The following CSTF1 variants were observed in gnomAD, a reference collection of about 807,000 sequenced individuals.
The protein encoded by CSTF1 is CF-1 50 kDa subunit.
In CSTF1, 2 loss-of-function variants were observed where a neutral mutation model predicts 40.9. That is an observed-to-expected ratio of 0.05 (90% CI 0.02 to 0.15). The LOEUF (loss-of-function observed/expected upper bound fraction) is 0.15, where lower values mean the gene tolerates loss of function less well. Among genes scored for constraint, CSTF1 ranks in the 10% least tolerant of loss-of-function variants. The probability of loss-of-function intolerance (pLI) is 1.00; values close to 1 mark genes in which losing one functional copy is unlikely to be tolerated. For synonymous variants in CSTF1, 218 were observed against 207.2 expected, an observed-to-expected ratio of 1.05 and a Z score of -0.45; for missense variants, 279 against 558.9, an observed-to-expected ratio of 0.50 and a Z score of 5.05.
chr20:56,398,446 G>A (rs6014716), intron 4 of CSTF1, among the ~76,000 whole-genome samples: 5,623 of 152,186 alleles, frequency 0.037, 405 homozygotes, highest in African/African-American at 0.13. Flanking sequence ...GGCACGCGCC[G>A]ATAGTCCCAG....
intron 1 of CSTF1, among the ~76,000 whole-genome samples, chr20:56,394,163 A>G (rs1189267617): frequency 6.6e-6 from 1 of 152,254 alleles, no homozygotes; most frequent in African/African-American, 2.4e-5. Context: ...ATATACTTGA[A>G]TACATTGAAT....
intron 5 of CSTF1, among the ~76,000 whole-genome samples, chr20:56,402,341 G>A (rs1978495503): frequency 1.3e-5 from 2 of 151,766 alleles, no homozygotes; most frequent in Admixed American, 1.3e-4. Context: ...TTACAAGTGA[G>A]CACATAACAC....
At position 56,403,779 on chromosome 20, in the gene CSTF1, G is replaced by A. The variant is rs6024853; in HGVS notation, c.*52G>A. 34,632 of 1,553,524 alleles carry A rather than the reference G, an allele frequency of 0.022. 497 individuals carry two copies. The highest frequency in any genetic ancestry group is 0.058 in the African/African-American group (4,287 of 74,040). On this transcript the variant is annotated 3_prime_UTR_variant, in exon 6 of 6. Coordinates refer to ENST00000217109, the MANE Select transcript of CSTF1 (RefSeq NM_001324.3). ...CGAGGACTCTACCCTCCTCCCCCAC[G>A]TCCTGTCTCAGCTGCAGTCGTAAGT...
chr20:56,395,918 C>T, intron 2 of CSTF1, 197 bp downstream of exon 2: 1 of 562,024 alleles, frequency 1.8e-6, no homozygotes, highest in Non-Finnish European at 3.1e-6. Flanking sequence ...TTATGAAGAC[C>T]TTAAGCTGGT....
rs745629337 is a variant in CSTF1, at chr20:56,397,176, T to G, written c.170-31T>G. The G allele has an allele frequency of 1.3e-6, 2 of 1,587,706 alleles. No individual in the cohort carries two copies. The highest frequency in any genetic ancestry group is 1.7e-6 in the Non-Finnish European group (2 of 1,166,010). Reference sequence around the variant, plus strand: ...GCCTTTTTAAGAAAAAACACTTGTTTTGTTACGCCCTTAATTTTGATTTCT... The same window carrying G: ...GCCTTTTTAAGAAAAAACACTTGTTGTGTTACGCCCTTAATTTTGATTTCT... On this transcript the variant is annotated intron_variant, in intron 2 of 5. Transcript: ENST00000217109. This position sits in a 1 kb window ranked among gnomAD's most constrained non-coding sequence, Gnocchi z 4.4.
Position 56,397,110 on chromosome 20 carries a change from T to C in CSTF1, c.170-97T>C, listed in dbSNP as rs1237893563. On this transcript the variant is annotated intron_variant, in intron 2 of 5. Coordinates refer to ENST00000217109, the MANE Select transcript of CSTF1 (RefSeq NM_001324.3). The surrounding 1 kb of genome is among the most constrained non-coding windows in gnomAD (Gnocchi z 4.4). ...GCTCCAAGAAATAGGAGGTTGACACTGGTGAGCATCTTTCCAGTTTGGATC... is the reference window on the plus strand; with the variant it reads ...GCTCCAAGAAATAGGAGGTTGACACCGGTGAGCATCTTTCCAGTTTGGATC... 4 of 1,326,530 alleles carry C rather than the reference T, an allele frequency of 3.0e-6. No homozygotes were observed. The African/African-American group carries it at 5.9e-5, about 19-fold the overall frequency. The allele number at this position is 1,326,530 out of a possible 1,614,324, so 82.2% of individuals were successfully genotyped here. A position where few individuals can be genotyped will look rare whatever the true frequency, so the allele number is the denominator to read the frequency against.
At chr20:56,396,566 G>A (rs1987523851) in intron 2 of CSTF1, among the ~76,000 whole-genome samples, 1 of 152,092 alleles carries the variant, frequency 6.6e-6, no homozygotes, top group Non-Finnish European at 1.5e-5. Context: ...AAACAGCCGT[G>A]CACGGGGAAG....
At chr20:56,400,017 T>C (rs953906503) in intron 5 of CSTF1, among the ~76,000 whole-genome samples, 1 of 152,230 alleles carries the variant, frequency 6.6e-6, no homozygotes, top group East Asian at 1.9e-4. Context: ...TTCTGTTCCT[T>C]GTAGCAGCAA....
chr20:56,395,303 G>C (rs79910084), intron 1 of CSTF1, among the ~76,000 whole-genome samples: 1 of 152,188 alleles, frequency 6.6e-6, no homozygotes, highest in Non-Finnish European at 1.5e-5. Context: ...GCCAGGCACT[G>C]TGCTCAGGGC....
intron 4 of CSTF1, among the ~76,000 whole-genome samples, chr20:56,398,215 C>T (rs6024850): frequency 0.019 from 2,851 of 152,228 alleles, 105 homozygotes; most frequent in African/African-American, 0.065. Flanking sequence ...CATTCGGTAC[C>T]CTATTTTGAA....
chr20:56,405,437 A>C lies in CSTF1; in HGVS notation c.*1710A>C, dbSNP rs1978666162. 6.6e-6 allele frequency: 1 copy of C among 151,128 alleles called. No homozygotes were observed. The highest frequency in any genetic ancestry group is 2.1e-4 in the South Asian group (1 of 4,778). 9.4% of individuals were successfully genotyped at this position (151,128 alleles called of 1,614,324 possible). On this transcript the variant is annotated 3_prime_UTR_variant, in exon 6 of 6. Transcript: ENST00000217109. ...TTGGTCAGGCTGGTCTCGAACTCCC[A>C]ACCTCAGGTAATCCGCCCGCCTCAG...
chr20:56,394,327 C>A lies in CSTF1; in HGVS notation c.-32-1194C>A, dbSNP rs562099887. ...TGGGCCAGGCGCAGTGGCTCGCGCCCGTAATCCCAGCACTTTGGGAGGCGG... is the reference window on the plus strand; with the variant it reads ...TGGGCCAGGCGCAGTGGCTCGCGCCAGTAATCCCAGCACTTTGGGAGGCGG... On this transcript the variant is annotated intron_variant, in intron 1 of 5. Coordinates refer to ENST00000217109, the MANE Select transcript of CSTF1 (RefSeq NM_001324.3). Among the ~76,000 whole-genome samples, 224 of 152,152 alleles carry A rather than the reference C, an allele frequency of 1.5e-3. 1 individual carries two copies. The highest frequency in any genetic ancestry group is 0.012 in the South Asian group (57 of 4,812).
In CSTF1 at chr20:56,397,898, A is replaced by G; in HGVS notation, c.645+57A>G. 8 of 1,347,614 alleles carry G rather than the reference A, an allele frequency of 5.9e-6. No homozygotes were observed. The highest frequency in any genetic ancestry group is 8.4e-6 in the Non-Finnish European group (8 of 953,026). The allele number at this position is 1,347,614 out of a possible 1,614,324, so 83.5% of individuals were successfully genotyped here. On this transcript the variant is annotated intron_variant, in intron 4 of 5. Transcript: ENST00000217109. This position sits in a 1 kb window ranked among gnomAD's most constrained non-coding sequence, Gnocchi z 4.4. ...TTTCTTAAATACAATGAGCTATTGT[A>G]CAACTATTCTCTTTTTAAAAGTAGT...
intron 1 of CSTF1, among the ~76,000 whole-genome samples, chr20:56,393,169 T>C (rs1465949454): frequency 1.2e-3 from 142 of 114,414 alleles, no homozygotes; most frequent in African/African-American, 4.8e-3. Context: ...TACACACACA[T>C]ATGTGTGTGT....
At chr20:56,401,376 C>T (rs191074073) in intron 5 of CSTF1, among the ~76,000 whole-genome samples, 218 of 152,204 alleles carry the variant, frequency 1.4e-3, no homozygotes, top group African/African-American at 4.9e-3. Context: ...ATATGGGGAC[C>T]TGGTTTTGTT....
chr20:56,399,889 G>T lies in CSTF1; in HGVS notation c.1036+532G>T, dbSNP rs1978380294. On this transcript the variant is annotated intron_variant, in intron 5 of 5. Transcript: ENST00000217109. This position sits in a 1 kb window ranked among gnomAD's most constrained non-coding sequence, Gnocchi z 4.6. ...ACTGAATTCTCATTTATGTATGTTG[G>T]TCTCATTGGTAACAGTAGTGCCTGT... Among the ~76,000 whole-genome samples, 1 of 152,158 alleles carries T rather than the reference G, an allele frequency of 6.6e-6. No homozygotes were observed. The highest frequency in any genetic ancestry group is 2.1e-4 in the South Asian group (1 of 4,826).
Position 56,403,786 on chromosome 20 carries a change from C to T in CSTF1, c.*59C>T. The stretch of plus-strand genomic sequence containing the variant: ...TCTACCCTCCTCCCCCACGTCCTGT[C>T]TCAGCTGCAGTCGTAAGTCCGTGCA... On this transcript the variant is annotated 3_prime_UTR_variant, in exon 6 of 6. Coordinates refer to ENST00000217109, the MANE Select transcript of CSTF1 (RefSeq NM_001324.3). 6.5e-7 allele frequency: 1 copy of T among 1,539,968 alleles called. No individual in the cohort carries two copies. The highest frequency in any genetic ancestry group is 8.8e-7 in the Non-Finnish European group (1 of 1,130,720).
At chr20:56,400,498 G>A (rs762552099) in intron 5 of CSTF1, among the ~76,000 whole-genome samples, 1 of 152,138 alleles carries the variant, frequency 6.6e-6, no homozygotes, top group Non-Finnish European at 1.5e-5. Flanking sequence ...TAAGGAGTGT[G>A]CTGTATCTGG....
intron 2 of CSTF1, 40 bp downstream of exon 2, chr20:56,395,761 T>G (rs545442777): frequency 7.4e-5 from 118 of 1,591,496 alleles, no homozygotes; most frequent in Non-Finnish European, 9.9e-5. Context: ...CATGGCAAGG[T>G]TTTAGATATT....
Sources: gnomAD v4.1 joint callset for allele counts (sites outside exome capture counted in the v4.1 genomes callset) on GRCh38, gnomAD v4.1.1 for gene constraint, Gnocchi (gnomAD v3.1) non-coding constraint, MANE v1.5 for transcripts, NCBI Gene and HGNC (gene_info 2026-07-23, HGNC 2026-07-21) for gene names.